Variants in SLC25A11 observed in about 807,000 individuals in gnomAD.
SLC25A11 encodes the protein mitochondrial 2-oxoglutarate/malate carrier protein.
A neutral mutation model predicts 32.7 loss-of-function variants in SLC25A11; 11 were observed. That is an observed-to-expected ratio of 0.34 (90% CI 0.21 to 0.56). The LOEUF is 0.56. SLC25A11 is among the 20% of genes least tolerant of loss of function. SLC25A11 has a pLI of 0.90. For missense variants in SLC25A11, 295 were observed against 426.3 expected (o/e 0.69, Z 2.71); for synonymous variants, 163 against 168.3 (o/e 0.97, Z 0.24).
rs1010074625 is a variant in SLC25A11, at chr17:4,939,603, G to A, written c.95+213C>T. ...TAGCAATGCGCTGGGAAACTCAGCTGGCCCGGCGGGGGTTGTGCAACGACC... is the reference window on the plus strand; with the variant it reads ...TAGCAATGCGCTGGGAAACTCAGCTAGCCCGGCGGGGGTTGTGCAACGACC... On this transcript the variant is annotated intron_variant, in intron 1 of 7. Transcript: ENST00000225665. This position sits in a 1 kb window ranked among gnomAD's most constrained non-coding sequence, Gnocchi z 4.1. 20 of 595,936 alleles carry A rather than the reference G, an allele frequency of 3.4e-5. No homozygotes were observed. Among genetic ancestry groups the A allele is most frequent in the African/African-American group, 5.6e-5 (3 of 53,324 alleles). The allele number at this position is 595,936 out of a possible 1,614,324, so 36.9% of individuals were successfully genotyped here.
Position 4,939,270 on chromosome 17 carries a change from C to A in SLC25A11, c.96-58G>T. 2.6e-6 allele frequency: 4 copies of A among 1,548,454 alleles called. No homozygotes were observed. Among genetic ancestry groups the A allele is most frequent in the African/African-American group, 1.4e-5 (1 of 73,724 alleles). On this transcript the variant is annotated intron_variant, in intron 1 of 7. Transcript: ENST00000225665. This position sits in a 1 kb window ranked among gnomAD's most constrained non-coding sequence, Gnocchi z 4.1. ...GGCATTCCAGATCTACCAGTGCCCA[C>A]TGGAGCCTGGCAGCAAGAGGTTACA...
rs752385079 is a variant in SLC25A11, at chr17:4,938,424, G to A, written c.552C>T (p.Cys184=). 33 of 1,614,040 alleles carry A rather than the reference G, an allele frequency of 2.0e-5. No homozygotes were observed. The South Asian group carries it at 3.2e-4, about 16-fold the overall frequency. Residue 184 remains cysteine (C), a synonymous_variant, in exon 5 of 8, where the codon TGC becomes TGT. Transcript: ENST00000225665. This position sits in a 1 kb window ranked among gnomAD's most constrained non-coding sequence, Gnocchi z 7.6. ...EEGVLTLWRG[C]IPTMARAVVV... is the part of the protein sequence containing the mutation. Reference sequence around the variant, plus strand: ...CGACGGCCCGAGCCATGGTAGGGATGCAGCCCTGGAGGGAGGGGAGCGGGG... The same window carrying A: ...CGACGGCCCGAGCCATGGTAGGGATACAGCCCTGGAGGGAGGGGAGCGGGG...
chr17:4,939,618 G>T lies in SLC25A11; in HGVS notation c.95+198C>A. The T allele has an allele frequency of 3.3e-6, 2 of 610,772 alleles. No individual in the cohort carries two copies. The highest frequency in any genetic ancestry group is 2.9e-6 in the Non-Finnish European group (1 of 344,988). 37.8% of individuals were successfully genotyped at this position (610,772 alleles called of 1,614,324 possible). A position where few individuals can be genotyped will look rare whatever the true frequency, so the allele number is the denominator to read the frequency against. The stretch of plus-strand genomic sequence containing the variant: ...AAACTCAGCTGGCCCGGCGGGGGTT[G>T]TGCAACGACCCTGCATGCAGTCCAT... On this transcript the variant is annotated intron_variant, in intron 1 of 7. Coordinates refer to ENST00000225665, the MANE Select transcript of SLC25A11 (RefSeq NM_003562.5). This position sits in a 1 kb window ranked among gnomAD's most constrained non-coding sequence, Gnocchi z 4.1.
At chr17:4,937,990 C>G (rs537555172) in intron 7 of SLC25A11, 33 bp downstream of exon 7, 4 of 1,613,322 alleles carry the variant, frequency 2.5e-6, no homozygotes, top group Middle Eastern at 1.6e-4. Context: ...GGATCCGACA[C>G]CCCCTCCCAG....
Position 4,939,731 on chromosome 17 carries a change from T to A in SLC25A11, c.95+85A>T. 9.1e-7 allele frequency: 1 copy of A among 1,095,310 alleles called. No homozygotes were observed. Among genetic ancestry groups the A allele is most frequent in the Non-Finnish European group, 1.4e-6 (1 of 731,818 alleles). The allele number at this position is 1,095,310 out of a possible 1,614,324, so 67.8% of individuals were successfully genotyped here. ...CTGACCCCGTGCCGGCACAGTTCAC[T>A]GCAACAGACCCAGAGATGAACCGGG... On this transcript the variant is annotated intron_variant, in intron 1 of 7. Coordinates refer to ENST00000225665, the MANE Select transcript of SLC25A11 (RefSeq NM_003562.5). The surrounding 1 kb of genome is among the most constrained non-coding windows in gnomAD (Gnocchi z 4.1).
chr17:4,937,764 T>A lies in SLC25A11; in HGVS notation c.922A>T (p.Lys308Ter). The A allele has an allele frequency of 1.9e-6, 3 of 1,613,094 alleles. No homozygotes were observed. The highest frequency in any genetic ancestry group is 2.5e-6 in the Non-Finnish European group (3 of 1,179,568). ...CTTCAGCCACTGAGGAAGAGACGCT[T>A]GTAGGCCTTGTTCATCTGCTCCAAG... ...IFLEQMNKAY[K>*]RLFLSG Residue 308 changes from lysine to a stop codon, truncating the protein, a stop_gained, in exon 8 of 8, where the codon AAG becomes TAG. Transcript: ENST00000225665. LOFTEE classifies it high-confidence loss of function.
At position 4,938,178 on chromosome 17, in the gene SLC25A11, A is replaced by G. The variant is rs1373807092; in HGVS notation, c.713T>C (p.Met238Thr). 2 of 1,614,046 alleles carry G rather than the reference A, an allele frequency of 1.2e-6. No homozygotes were observed. Reference sequence around the variant, plus strand: ...CCGGGTCTTGGCAATGTCCACAGGCATGGAGGCAGCAGTGGTGACAAGACC... The same window carrying G: ...CCGGGTCTTGGCAATGTCCACAGGCGTGGAGGCAGCAGTGGTGACAAGACC... ...ISGLVTTAAS[M>T]PVDIAKTRIQ... The change falls in exon 6 of 8, where the codon ATG becomes ACG. Residue 238 changes from methionine to threonine, a missense_variant. By Grantham distance (81) the Met-to-Thr change is moderately conservative (BLOSUM62 -1). Around this residue, in one of 3 missense-constraint regions of SLC25A11, gnomAD observed 142 missense variants for 197.8 expected, o/e 0.72. Coordinates refer to ENST00000225665, the MANE Select transcript of SLC25A11 (RefSeq NM_003562.5). The surrounding 1 kb of genome is among the most constrained non-coding windows in gnomAD (Gnocchi z 7.6).
chr17:4,937,984 C>T lies in SLC25A11; in HGVS notation c.789+39G>A, dbSNP rs745615342. On this transcript the variant is annotated intron_variant, in intron 7 of 7. Coordinates refer to ENST00000225665, the MANE Select transcript of SLC25A11 (RefSeq NM_003562.5). The stretch of plus-strand genomic sequence containing the variant: ...TGCCTTCACACCTTTCCCAGGGGAT[C>T]CGACACCCCCTCCCAGGCCCCCAGA... 3.7e-6 allele frequency: 6 copies of T among 1,613,380 alleles called. No individual in the cohort carries two copies. In the East Asian group the frequency reaches 1.3e-4, roughly 36 times the overall value.
In SLC25A11 at chr17:4,937,827, C is replaced by T. The variant is rs754378565; in HGVS notation, c.859G>A (p.Ala287Thr). 1.8e-5 allele frequency: 29 copies of T among 1,614,038 alleles called. 1 individual carries two copies. In the South Asian group the frequency reaches 3.2e-4, roughly 18 times the overall value. Residue 287 changes from alanine (A) to threonine (T), a missense_variant, in exon 8 of 8, where the codon GCC (alanine) becomes ACC (threonine). Physicochemically the swap from Ala to Thr is moderately conservative, Grantham distance 58. Transcript: ENST00000225665. ...SLWKGFTPYY[A>T]RLGPHTVLTF... ...AGGACGGTGTGGGGGCCCAGGCGGGCATAGTACGGCGTGAAGCCCTTCCAC... is the reference window on the plus strand; with the variant it reads ...AGGACGGTGTGGGGGCCCAGGCGGGTATAGTACGGCGTGAAGCCCTTCCAC...
chr17:4,938,302 C>A lies in SLC25A11; in HGVS notation c.637+37G>T. ...GCAGTCAGCTCAGAGGTGGCTCAGG[C>A]CAGGCTGGGAACTAAGGGCCCAGCT... On this transcript the variant is annotated intron_variant, in intron 5 of 7. Transcript: ENST00000225665. The surrounding 1 kb of genome is among the most constrained non-coding windows in gnomAD (Gnocchi z 7.6). 8 of 1,613,472 alleles carry A rather than the reference C, an allele frequency of 5.0e-6. No homozygotes were observed. The highest frequency in any genetic ancestry group is 1.1e-5 in the South Asian group (1 of 91,062).
chr17:4,939,489 G>T lies in SLC25A11; in HGVS notation c.96-277C>A. On this transcript the variant is annotated intron_variant, in intron 1 of 7. Coordinates refer to ENST00000225665, the MANE Select transcript of SLC25A11 (RefSeq NM_003562.5). This position sits in a 1 kb window ranked among gnomAD's most constrained non-coding sequence, Gnocchi z 4.1. ...GCTGCACGCAGTCCGACACAGGGAG[G>T]GGAGGAAGGGGCATCCAAGATTTAG... 1 of 575,728 alleles carries T rather than the reference G, an allele frequency of 1.7e-6. No homozygotes were observed. The highest frequency in any genetic ancestry group is 3.1e-6 in the Non-Finnish European group (1 of 325,502). The allele number at this position is 575,728 out of a possible 1,614,324, so 35.7% of individuals were successfully genotyped here.
chr17:4,939,590 G>T lies in SLC25A11; in HGVS notation c.95+226C>A. ...GCCCGGCCGAGCTTAGCAATGCGCT[G>T]GGAAACTCAGCTGGCCCGGCGGGGG... On this transcript the variant is annotated intron_variant, in intron 1 of 7. Transcript: ENST00000225665. The surrounding 1 kb of genome is among the most constrained non-coding windows in gnomAD (Gnocchi z 4.1). 1.7e-6 allele frequency: 1 copy of T among 591,572 alleles called. No individual in the cohort carries two copies. The highest frequency in any genetic ancestry group is 3.0e-6 in the Non-Finnish European group (1 of 335,398). The allele number at this position is 591,572 out of a possible 1,614,324, so 36.6% of individuals were successfully genotyped here.
In SLC25A11 at chr17:4,938,241, T is replaced by C; in HGVS notation, c.650A>G (p.Asp217Gly). Residue 217 changes from aspartate to glycine, a missense_variant, in exon 6 of 8, where the codon GAC (aspartate) becomes GGC (glycine). Around this residue, in one of 3 missense-constraint regions of SLC25A11, gnomAD observed 142 missense variants for 197.8 expected, o/e 0.72. Transcript: ENST00000225665. The surrounding 1 kb of genome is among the most constrained non-coding windows in gnomAD (Gnocchi z 7.6). The stretch of plus-strand genomic sequence containing the variant: ...GGCACAGAAGTGGCACAAGATGTTG[T>C]CAGAGAAGTAGCCTGGGGGAGGTGA... Reference protein sequence around the residue: ...QFLLDSGYFSDNILCHFCASM... With the variant: ...QFLLDSGYFSGNILCHFCASM... The C allele has an allele frequency of 6.2e-7, 1 of 1,613,586 alleles. No homozygotes were observed. Among genetic ancestry groups the C allele is most frequent in the Non-Finnish European group, 8.5e-7 (1 of 1,179,742 alleles).
chr17:4,937,399 G>C lies in SLC25A11; in HGVS notation c.*342C>G, dbSNP rs995719423. The stretch of plus-strand genomic sequence containing the variant: ...TGCAGGCCCTTTGACCATCTTGATG[G>C]CTTCTGCTCCTCCCTGTCCCCTCAG... On this transcript the variant is annotated 3_prime_UTR_variant, in exon 8 of 8. Coordinates refer to ENST00000225665, the MANE Select transcript of SLC25A11 (RefSeq NM_003562.5). 2.1e-5 allele frequency: 4 copies of C among 187,882 alleles called. No homozygotes were observed. The highest frequency in any genetic ancestry group is 9.4e-5 in the African/African-American group (4 of 42,456). The allele number at this position is 187,882 out of a possible 1,614,324, so 11.6% of individuals were successfully genotyped here. A position where few individuals can be genotyped will look rare whatever the true frequency, so the allele number is the denominator to read the frequency against.
chr17:4,939,973 G>A lies in SLC25A11; in HGVS notation c.-63C>T, dbSNP rs984472769. 7.9e-7 allele frequency: 1 copy of A among 1,265,098 alleles called. No individual in the cohort carries two copies. Among genetic ancestry groups the A allele is most frequent in the Non-Finnish European group, 1.1e-6 (1 of 935,860 alleles). The allele number at this position is 1,265,098 out of a possible 1,614,324, so 78.4% of individuals were successfully genotyped here. A position where few individuals can be genotyped will look rare whatever the true frequency, so the allele number is the denominator to read the frequency against. Reference sequence around the variant, plus strand: ...GCGCGGCCCCGCTCGCGCCCAAGGTGACACCGCGCGCGCAACAGAGCGAGG... The same window carrying A: ...GCGCGGCCCCGCTCGCGCCCAAGGTAACACCGCGCGCGCAACAGAGCGAGG... On this transcript the variant is annotated 5_prime_UTR_variant, in exon 1 of 8. Coordinates refer to ENST00000225665, the MANE Select transcript of SLC25A11 (RefSeq NM_003562.5). This position sits in a 1 kb window ranked among gnomAD's most constrained non-coding sequence, Gnocchi z 4.1.
In SLC25A11 at chr17:4,938,664, C is replaced by G. The variant is rs1309740386; in HGVS notation, c.456-62G>C. The stretch of plus-strand genomic sequence containing the variant: ...GCCCACAGGTGCAAAGAAAGGAAGG[C>G]CAGAACAGGTAAACACTCTGCTCCA... On this transcript the variant is annotated intron_variant, in intron 3 of 7. Transcript: ENST00000225665. The surrounding 1 kb of genome is among the most constrained non-coding windows in gnomAD (Gnocchi z 7.6). 1 of 1,590,728 alleles carries G rather than the reference C, an allele frequency of 6.3e-7. No homozygotes were observed. Among genetic ancestry groups the G allele is most frequent in the East Asian group, 2.2e-5 (1 of 44,742 alleles).
chr17:4,937,687 C>T lies in SLC25A11; in HGVS notation c.*54G>A. The T allele has an allele frequency of 6.5e-7, 1 of 1,542,898 alleles. No individual in the cohort carries two copies. The highest frequency in any genetic ancestry group is 1.3e-5 in the South Asian group (1 of 79,798). On this transcript the variant is annotated 3_prime_UTR_variant, in exon 8 of 8. Coordinates refer to ENST00000225665, the MANE Select transcript of SLC25A11 (RefSeq NM_003562.5). ...GGGTCCAGGGCAGCAGAGCCCAGGC[C>T]CCCAGGGCGCAGTGGCTATAGGCGC...
In SLC25A11 at chr17:4,939,761, GTTCCTTTTGCCC is replaced by G; in HGVS notation, c.95+43_95+54del. 7.1e-7 allele frequency: 1 copy of G among 1,418,308 alleles called. No individual in the cohort carries two copies. The highest frequency in any genetic ancestry group is 9.9e-7 in the Non-Finnish European group (1 of 1,011,270). 87.9% of individuals were successfully genotyped at this position (1,418,308 alleles called of 1,614,324 possible). ...CAGACCCAGAGATGAACCGGGCCCG[GTTCCTTTTGCCC>G]TTCCCTTCCTCCTCTTTTCCCATCC... On this transcript the variant is annotated intron_variant, in intron 1 of 7. Transcript: ENST00000225665. The surrounding 1 kb of genome is among the most constrained non-coding windows in gnomAD (Gnocchi z 4.1).
Position 4,937,657 on chromosome 17 carries a change from T to C in SLC25A11, c.*84A>G, listed in dbSNP as rs940313626. 2.2e-5 allele frequency: 32 copies of C among 1,458,916 alleles called. No homozygotes were observed. Among genetic ancestry groups the C allele is most frequent in the Non-Finnish European group, 2.9e-5 (32 of 1,089,030 alleles). The allele number at this position is 1,458,916 out of a possible 1,614,324, so 90.4% of individuals were successfully genotyped here. On this transcript the variant is annotated 3_prime_UTR_variant, in exon 8 of 8. Transcript: ENST00000225665. ...AACCACACTGTGGAAGGGAAATAAA[T>C]AGAGGGGTCCAGGGCAGCAGAGCCC...
Sources: allele counts gnomAD v4.1 joint callset, GRCh38; gene constraint gnomAD v4.1.1; regional missense constraint gnomAD v4.1.1; non-coding constraint Gnocchi (gnomAD v3.1); transcripts MANE v1.5; gene names NCBI Gene and HGNC (gene_info 2026-07-23, HGNC 2026-07-21).